TNIK: variants seen among roughly 807,000 people sequenced by gnomAD.
TNIK encodes the protein TRAF2 and NCK interacting kinase.
In TNIK, 49 loss-of-function variants were observed where a neutral mutation model predicts 191.3. That is an observed-to-expected ratio of 0.26 (90% CI 0.20 to 0.32). TNIK has a LOEUF of 0.32. TNIK is among the 10% of genes least tolerant of loss of function. The pLI is 1.00. For missense variants in TNIK, 1,155 were observed against 1,702.3 expected, an observed-to-expected ratio of 0.68 and a Z score of 5.66; for synonymous variants, 594 against 600.9, an observed-to-expected ratio of 0.99 and a Z score of 0.17.
At chr3:171,410,606 C>T (rs1178440516) in intron 1 of TNIK, among the ~76,000 whole-genome samples, 1 of 151,850 alleles carries the variant, frequency 6.6e-6, no homozygotes, top group Non-Finnish European at 1.5e-5. Flanking sequence ...GGTGAAACCC[C>T]GTCTCTACTA....
intron 4 of TNIK, among the ~76,000 whole-genome samples, chr3:171,196,823 C>T (rs1052101942): frequency 1.3e-5 from 2 of 152,016 alleles, no homozygotes; most frequent in African/African-American, 4.8e-5. Flanking sequence ...GGCGCGATCT[C>T]GGCTCACTGC....
chr3:171,192,737 C>A (rs1738208507), intron 5 of TNIK, among the ~76,000 whole-genome samples: 1 of 152,140 alleles, frequency 6.6e-6, no homozygotes, highest in African/African-American at 2.4e-5. Flanking sequence ...TATGCTCTAT[C>A]TGAATGAGCA....
At chr3:171,127,319 A>G (rs1358195265) in intron 16 of TNIK, among the ~76,000 whole-genome samples, 1 of 152,176 alleles carries the variant, frequency 6.6e-6, no homozygotes, top group Non-Finnish European at 1.5e-5. Context: ...AATAGAACCT[A>G]CTGGATTTAT....
At chr3:171,384,628 C>T (rs1424251968) in intron 1 of TNIK, among the ~76,000 whole-genome samples, 1 of 152,186 alleles carries the variant, frequency 6.6e-6, no homozygotes, top group Non-Finnish European at 1.5e-5. Flanking sequence ...GAGGAAATGA[C>T]TACACTTTAT....
chr3:171,113,250 A>T (rs1428958161), intron 18 of TNIK, among the ~76,000 whole-genome samples: 1 of 152,032 alleles, frequency 6.6e-6, no homozygotes, highest in African/African-American at 2.4e-5. Context: ...ATCTTCTTGC[A>T]GGAAGTCTTT....
intron 22 of TNIK, among the ~76,000 whole-genome samples, chr3:171,096,298 C>T (rs1236395498): frequency 6.6e-6 from 1 of 151,936 alleles, no homozygotes; most frequent in African/African-American, 2.4e-5. Flanking sequence ...GTCCTTTCCC[C>T]CTCATATCCA....
intron 2 of TNIK, among the ~76,000 whole-genome samples, chr3:171,302,582 A>T (rs2108274331): frequency 6.6e-6 from 1 of 152,324 alleles, no homozygotes; most frequent in East Asian, 1.9e-4. Flanking sequence ...ATTAGACTTT[A>T]AAATTTTCTT....
At chr3:171,452,726 C>CCAAACACACACACACACA (rs1560092411) in intron 1 of TNIK, among the ~76,000 whole-genome samples, 11 of 111,484 alleles carry the variant, frequency 9.9e-5, no homozygotes, top group African/African-American at 4.0e-4. Context: ...GAAACACACT[C>CCAAACACACACACACACA]CAAACACACA....
intron 15 of TNIK, among the ~76,000 whole-genome samples, chr3:171,130,499 G>A (rs1251882348): frequency 2.0e-5 from 3 of 152,150 alleles, no homozygotes; most frequent in African/African-American, 7.2e-5. Context: ...GCATGTGTGC[G>A]AAGTATTACA....
intron 1 of TNIK, among the ~76,000 whole-genome samples, chr3:171,374,939 G>A (rs753422606): frequency 6.6e-6 from 1 of 152,136 alleles, no homozygotes; most frequent in Admixed American, 6.6e-5. Context: ...GCTTAGTCAG[G>A]GTCACACTAC....
chr3:171,065,156 A>G (rs1325625618), intron 32 of TNIK, among the ~76,000 whole-genome samples: 1 of 152,198 alleles, frequency 6.6e-6, no homozygotes, highest in African/African-American at 2.4e-5. Flanking sequence ...GTGGGTATCC[A>G]TACCCAGATC....
chr3:171,347,358 C>G, intron 2 of TNIK: 1 of 788,358 alleles, frequency 1.3e-6, no homozygotes, highest in South Asian at 1.8e-5. Flanking sequence ...TCCTAAGTGC[C>G]TGCAGAGCTG....
intron 15 of TNIK, among the ~76,000 whole-genome samples, chr3:171,133,752 TA>T (rs1729619521): frequency 6.6e-6 from 1 of 152,066 alleles, no homozygotes; most frequent in Admixed American, 6.5e-5. Flanking sequence ...ATAAACTAAC[TA>T]ATATAAAAGG....
intron 9 of TNIK, among the ~76,000 whole-genome samples, chr3:171,173,155 C>T (rs1279406545): frequency 4.0e-5 from 6 of 148,918 alleles, no homozygotes; most frequent in African/African-American, 7.4e-5. Flanking sequence ...GAGGCCGAGG[C>T]GGGCGGATCA....
At chr3:171,250,891 A>T (rs1746147147) in intron 2 of TNIK, among the ~76,000 whole-genome samples, 1 of 152,230 alleles carries the variant, frequency 6.6e-6, no homozygotes, top group African/African-American at 2.4e-5. Context: ...CCTCTGCTGC[A>T]ACAATTATCA....
At chr3:171,091,255 A>G (rs993228478) in intron 23 of TNIK, among the ~76,000 whole-genome samples, 5 of 152,200 alleles carry the variant, frequency 3.3e-5, no homozygotes, top group African/African-American at 1.2e-4. Context: ...GACCTGAACA[A>G]AACAAAAGGC....
chr3:171,457,583 G>T (rs1346116284), intron 1 of TNIK, among the ~76,000 whole-genome samples: 2 of 152,196 alleles, frequency 1.3e-5, no homozygotes, highest in Admixed American at 1.3e-4. Flanking sequence ...CTCCAAATGT[G>T]GCAAGGTGGA....
At position 171,460,181 on chromosome 3, in the gene TNIK, C is replaced by T; in HGVS notation, c.-118G>A. On this transcript the variant is annotated 5_prime_UTR_variant, in exon 1 of 33. Transcript: ENST00000436636. The surrounding 1 kb of genome is among the most constrained non-coding windows in gnomAD (Gnocchi z 6.8). ...CGGGTGTCGCGCCAGAGGCCCCGGG[C>T]CCAGCCTCCCCCGCCCACCCCAGCC... 7.8e-7 allele frequency: 1 copy of T among 1,276,008 alleles called. No homozygotes were observed. The highest frequency in any genetic ancestry group is 1.1e-6 in the Non-Finnish European group (1 of 915,820). 79.0% of individuals were successfully genotyped at this position (1,276,008 alleles called of 1,614,324 possible).
intron 32 of TNIK, 28 bp from the exon 33 acceptor site, chr3:171,063,992 C>T (rs1411675868): frequency 1.4e-5 from 23 of 1,603,804 alleles, no homozygotes; most frequent in Non-Finnish European, 1.9e-5. Context: ...GAAGTTAGTT[C>T]AACTGCATGG....
Sources: allele counts gnomAD v4.1 joint callset (sites outside exome capture counted in the v4.1 genomes callset), GRCh38; gene constraint gnomAD v4.1.1; non-coding constraint Gnocchi (gnomAD v3.1); transcripts MANE v1.5; gene names NCBI Gene and HGNC (gene_info 2026-07-23, HGNC 2026-07-21).